Variants in ADAMTS12 observed in about 807,000 individuals in gnomAD.
The protein encoded by ADAMTS12 is ADAM metallopeptidase with thrombospondin type 1 motif 12.
A neutral mutation model predicts 167.8 loss-of-function variants in ADAMTS12; 118 were observed. The observed-to-expected ratio is 0.70, with a 90% confidence interval of 0.61 to 0.82. The LOEUF (loss-of-function observed/expected upper bound fraction) is 0.82. Among genes scored for constraint, ADAMTS12 ranks in the 40% least tolerant of loss-of-function variants. The pLI is 0.00. For synonymous variants in ADAMTS12, 704 were observed against 716.9 expected (o/e 0.98, Z 0.29); for missense variants, 1,916 against 1,998.8 (o/e 0.96, Z 0.79).
intron 3 of ADAMTS12, among the ~76,000 whole-genome samples, chr5:33,690,420 C>T (rs946365700): frequency 6.6e-6 from 1 of 151,298 alleles, no homozygotes; most frequent in East Asian, 1.9e-4. Flanking sequence ...AAAACAAGTA[C>T]ATCCTAGCTT....
At chr5:33,881,734 G>GTTTTTTTTT (rs11295558) in intron 1 of ADAMTS12, among the ~76,000 whole-genome samples, 2 of 120,188 alleles carry the variant, frequency 1.7e-5, no homozygotes, top group Non-Finnish European at 1.8e-5. Flanking sequence ...GGCTAATTTT[G>GTTTTTTTTT]TTTTTTTTTT....
chr5:33,827,318 C>G (rs1748114752), intron 2 of ADAMTS12, among the ~76,000 whole-genome samples: 1 of 151,704 alleles, frequency 6.6e-6, no homozygotes, highest in African/African-American at 2.4e-5. Flanking sequence ...GATGGTGTCA[C>G]TGGTTTATCA....
chr5:33,790,466 T>G (rs1746487516), intron 2 of ADAMTS12, among the ~76,000 whole-genome samples: 1 of 149,964 alleles, frequency 6.7e-6, no homozygotes, highest in South Asian at 2.1e-4. Flanking sequence ...GGCAGAAGAA[T>G]CGCTTGAACC....
intron 2 of ADAMTS12, among the ~76,000 whole-genome samples, chr5:33,808,515 G>A (rs1047116360): frequency 5.3e-5 from 8 of 152,146 alleles, no homozygotes; most frequent in Non-Finnish European, 8.8e-5. Context: ...ATAAAATTGT[G>A]TACAGTTAGA....
chr5:33,571,293 A>AT (rs1283509371), intron 19 of ADAMTS12, among the ~76,000 whole-genome samples: 1 of 152,034 alleles, frequency 6.6e-6, no homozygotes, highest in Non-Finnish European at 1.5e-5. Context: ...CAGAATATAC[A>AT]TTTTTTTCAG....
intron 3 of ADAMTS12, among the ~76,000 whole-genome samples, chr5:33,724,021 T>C (rs1743892497): frequency 6.6e-6 from 1 of 152,202 alleles, no homozygotes; most frequent in African/African-American, 2.4e-5. Flanking sequence ...TTGTCCTGAA[T>C]ATCCCAGAAC....
intron 2 of ADAMTS12, among the ~76,000 whole-genome samples, chr5:33,863,485 AG>A (rs1236892659): frequency 6.6e-6 from 1 of 152,230 alleles, no homozygotes; most frequent in Admixed American, 6.5e-5. Flanking sequence ...CCAACTTACA[AG>A]GAATGTAAAT....
Position 33,709,072 on chromosome 5 carries a change from G to A in ADAMTS12, c.635-25017C>T, listed in dbSNP as rs150839205. Among the ~76,000 whole-genome samples, 243 of 152,198 alleles carry A rather than the reference G, an allele frequency of 1.6e-3. 1 individual carries two copies. The highest frequency in any genetic ancestry group is 5.6e-3 in the African/African-American group (234 of 41,528). The stretch of plus-strand genomic sequence containing the variant: ...AACATGAAGACACTTCTCAAAAGAA[G>A]ACATTTATGCAGCCAACAAACATGA... On this transcript the variant is annotated intron_variant, in intron 3 of 23. Transcript: ENST00000504830.
chr5:33,527,277 C>T lies in ADAMTS12; in HGVS notation c.4696G>A (p.Glu1566Lys), dbSNP rs779643480. 1 of 1,613,944 alleles carries T rather than the reference C, an allele frequency of 6.2e-7. No individual in the cohort carries two copies. The highest frequency in any genetic ancestry group is 1.3e-5 in the African/African-American group (1 of 74,882). ...KKCSVPTVRAECCFSCPQTHI... is the reference protein window; with the variant it reads ...KKCSVPTVRAKCCFSCPQTHI... ...GTCTGGGGACACGAGAAGCAGCACT[C>T]AGCCCTCACGGTGGGCACAGAACAT... is the stretch of plus-strand genomic sequence containing the variant. The change falls in exon 24 of 24, where the codon GAG (glutamate) becomes AAG (lysine). Residue 1566 changes from glutamate to lysine, a missense_variant. By Grantham distance (56) the Glu-to-Lys change is moderately conservative (BLOSUM62 1). Coordinates refer to ENST00000504830, the MANE Select transcript of ADAMTS12 (RefSeq NM_030955.4).
At chr5:33,589,786 AG>A (rs1386040263) in intron 17 of ADAMTS12, among the ~76,000 whole-genome samples, 2 of 152,216 alleles carry the variant, frequency 1.3e-5, no homozygotes, top group African/African-American at 4.8e-5. Flanking sequence ...TCCTGACTTC[AG>A]GAAAGCCTCC....
At chr5:33,812,440 A>T (rs149183695) in intron 2 of ADAMTS12, among the ~76,000 whole-genome samples, 2 of 152,250 alleles carry the variant, frequency 1.3e-5, no homozygotes, top group Admixed American at 1.3e-4. Flanking sequence ...GAATTTGTAC[A>T]CAGAGAACAT....
At chr5:33,814,344 G>A (rs929473078) in intron 2 of ADAMTS12, among the ~76,000 whole-genome samples, 4 of 152,074 alleles carry the variant, frequency 2.6e-5, no homozygotes, top group Non-Finnish European at 5.9e-5. Context: ...TATTGAAAAG[G>A]CCATCCTTTT....
chr5:33,867,487 T>TA (rs925566790), intron 2 of ADAMTS12, among the ~76,000 whole-genome samples: 21 of 151,848 alleles, frequency 1.4e-4, no homozygotes, highest in East Asian at 1.2e-3. Context: ...AGATGAGTGA[T>TA]AAAAAAAACC....
chr5:33,599,281 A>G (rs1364462087), intron 16 of ADAMTS12, among the ~76,000 whole-genome samples: 1 of 152,218 alleles, frequency 6.6e-6, no homozygotes, highest in Non-Finnish European at 1.5e-5. Flanking sequence ...AAGAACACTC[A>G]ATAAATGTGA....
chr5:33,693,923 A>T (rs1018199890), intron 3 of ADAMTS12, among the ~76,000 whole-genome samples: 1 of 152,180 alleles, frequency 6.6e-6, no homozygotes, highest in Non-Finnish European at 1.5e-5. Context: ...AGAAAACCCC[A>T]CTGTCTCCTA....
intron 2 of ADAMTS12, chr5:33,840,388 T>C (rs1748705078): frequency 6.6e-6 from 1 of 152,214 alleles, no homozygotes; most frequent in Non-Finnish European, 1.5e-5. Flanking sequence ...TCTCACCCTT[T>C]AATTAACCAT....
At chr5:33,673,524 C>A (rs756151577) in intron 5 of ADAMTS12, among the ~76,000 whole-genome samples, 1 of 152,262 alleles carries the variant, frequency 6.6e-6, no homozygotes. Context: ...AATCTGTCAT[C>A]ATGTGCTGCT....
intron 22 of ADAMTS12, among the ~76,000 whole-genome samples, chr5:33,539,807 T>A (rs918152659): frequency 6.6e-6 from 1 of 152,316 alleles, no homozygotes; most frequent in East Asian, 1.9e-4. Context: ...ACCATTTTTT[T>A]AAAAAGCTAA....
chr5:33,749,274 A>T (rs1744893463), intron 3 of ADAMTS12, among the ~76,000 whole-genome samples: 1 of 152,162 alleles, frequency 6.6e-6, no homozygotes, highest in African/African-American at 2.4e-5. Flanking sequence ...TTCAAGGAAG[A>T]CTTAAAAAGT....
Sources: gnomAD v4.1 joint callset for allele counts (sites outside exome capture counted in the v4.1 genomes callset) on GRCh38, gnomAD v4.1.1 for gene constraint, MANE v1.5 for transcripts, NCBI Gene and HGNC (gene_info 2026-07-23, HGNC 2026-07-21) for gene names.